RAP1GDS1: variants seen among roughly 807,000 people sequenced by gnomAD.
RAP1GDS1 encodes the protein Rap1 GTPase-GDP dissociation stimulator 1.
A neutral mutation model predicts 71.1 loss-of-function variants in RAP1GDS1; 35 were observed. That is an observed-to-expected ratio of 0.49 (90% confidence interval 0.38 to 0.65). RAP1GDS1 has a LOEUF of 0.65. Ranked by LOEUF, RAP1GDS1 falls within the 30% of genes least tolerant of loss-of-function variation. The pLI, the probability that RAP1GDS1 is intolerant of heterozygous loss-of-function variation, is 0.00. For missense variants in RAP1GDS1, 663 were observed against 706.1 expected, an observed-to-expected ratio of 0.94 and a Z score of 0.69; for synonymous variants, 229 against 243.1, an observed-to-expected ratio of 0.94 and a Z score of 0.54.
At chr4:98,361,060 G>A (rs1451638242) in intron 4 of RAP1GDS1, among the ~76,000 whole-genome samples, 2 of 147,700 alleles carry the variant, frequency 1.4e-5, no homozygotes, top group Admixed American at 1.4e-4. Context: ...CTAGGTGACG[G>A]AGTGAGACTC....
At chr4:98,331,184 CA>C (rs1184225695) in intron 2 of RAP1GDS1, among the ~76,000 whole-genome samples, 1 of 152,134 alleles carries the variant, frequency 6.6e-6, no homozygotes, top group African/African-American at 2.4e-5. Context: ...CAATCCCAGG[CA>C]CTCGGCAGGC....
chr4:98,414,898 G>C (rs537246568), intron 7 of RAP1GDS1, among the ~76,000 whole-genome samples: 1 of 151,722 alleles, frequency 6.6e-6, no homozygotes, highest in Admixed American at 6.6e-5. Context: ...TCCTTGAGCA[G>C]TGGTTTGTAG....
intron 12 of RAP1GDS1, among the ~76,000 whole-genome samples, chr4:98,433,093 G>A (rs934523802): frequency 6.6e-6 from 1 of 152,158 alleles, no homozygotes; most frequent in African/African-American, 2.4e-5. Context: ...CTCTGTCATG[G>A]AGAGAAGACA....
At chr4:98,388,146 A>C (rs574067803) in intron 5 of RAP1GDS1, among the ~76,000 whole-genome samples, 2 of 152,306 alleles carry the variant, frequency 1.3e-5, no homozygotes, top group African/African-American at 4.8e-5. Context: ...TTTTCAAAAA[A>C]CAGCACCGCC....
At chr4:98,354,947 C>A (rs114386529) in intron 4 of RAP1GDS1, among the ~76,000 whole-genome samples, 3,277 of 152,232 alleles carry the variant, frequency 0.022, 108 homozygotes, top group African/African-American at 0.075. Context: ...CTTTCATATG[C>A]ATATAATTTC....
rs370027199 is a variant in RAP1GDS1 at position 98,309,287 on chromosome 4, G to C, written c.112+15772G>C. ...AATTGAAGTAAATTCTTCTCCTTTG[G>C]GAAGAATTTTGTATGAATCTTAATT... On this transcript the variant is annotated intron_variant, in intron 2 of 14. Transcript: ENST00000408927. Among the ~76,000 whole-genome samples the C allele has an allele frequency of 1.1e-3, 168 of 151,890 alleles. 2 individuals are homozygous for C. The highest frequency in any genetic ancestry group is 8.1e-3 in the East Asian group (42 of 5,170).
chr4:98,417,878 TA>T (rs1162038865), intron 9 of RAP1GDS1, among the ~76,000 whole-genome samples: 2 of 152,148 alleles, frequency 1.3e-5, no homozygotes, highest in Non-Finnish European at 2.9e-5. Context: ...TTTATGCCCA[TA>T]AAACTTAAGT....
chr4:98,279,454 T>A (rs1578279100), intron 1 of RAP1GDS1, among the ~76,000 whole-genome samples: 2 of 151,798 alleles, frequency 1.3e-5, no homozygotes, highest in East Asian at 3.9e-4. Flanking sequence ...AACTAGTAAA[T>A]GATTGTTGGA....
In RAP1GDS1 at chr4:98,408,051, A is replaced by G. The variant is rs374901542; in HGVS notation, c.763+3449A>G. On this transcript the variant is annotated intron_variant, in intron 7 of 14. Transcript: ENST00000408927. ...AGACCTTACCGCAGGTCTTACAGCT[A>G]TTAAGAGGATATTATGAACAATTTG... 9.9e-5 allele frequency among the ~76,000 whole-genome samples: 15 copies of G among 151,860 alleles called. No homozygotes were observed. In the South Asian group the frequency reaches 1.5e-3, roughly 15 times the overall value.
chr4:98,427,740 T>C (rs1475034467), intron 12 of RAP1GDS1, among the ~76,000 whole-genome samples: 1 of 152,142 alleles, frequency 6.6e-6, no homozygotes, highest in East Asian at 1.9e-4. Flanking sequence ...ACACATCCAA[T>C]GCTCACCGAT....
chr4:98,392,184 AGTTT>A, intron 6 of RAP1GDS1, 104 bp downstream of exon 6: 1 of 1,112,668 alleles, frequency 9.0e-7, no homozygotes, highest in Non-Finnish European at 1.2e-6. Flanking sequence ...AGATTGTATT[AGTTT>A]ATTTTTTGAA....
At chr4:98,324,793 C>T (rs1292479896) in intron 2 of RAP1GDS1, among the ~76,000 whole-genome samples, 12 of 149,872 alleles carry the variant, frequency 8.0e-5, no homozygotes, top group Middle Eastern at 3.4e-3. Context: ...AAGATTTAAA[C>T]GTTAGACCTA....
chr4:98,368,649 A>G (rs551650577), intron 4 of RAP1GDS1, among the ~76,000 whole-genome samples: 474 of 152,268 alleles, frequency 3.1e-3, no homozygotes, highest in Non-Finnish European at 5.3e-3. Context: ...TATTTCCTTT[A>G]GCCTTGAACT....
At chr4:98,272,570 C>T (rs2110233998) in intron 1 of RAP1GDS1, among the ~76,000 whole-genome samples, 1 of 152,274 alleles carries the variant, frequency 6.6e-6, no homozygotes, top group Non-Finnish European at 1.5e-5. Flanking sequence ...TGACCAGTGC[C>T]AGCTGCAGAC....
chr4:98,274,505 C>T (rs1723931906), intron 1 of RAP1GDS1, among the ~76,000 whole-genome samples: 1 of 152,072 alleles, frequency 6.6e-6, no homozygotes, highest in Admixed American at 6.6e-5. Context: ...AGTGAAGTAC[C>T]ATAGCTTTAA....
At chr4:98,319,778 CAAAA>C (rs35696332) in intron 2 of RAP1GDS1, among the ~76,000 whole-genome samples, 2 of 79,212 alleles carry the variant, frequency 2.5e-5, no homozygotes, top group South Asian at 4.2e-4. Flanking sequence ...GAGAATGTCT[CAAAA>C]AAAAAAAAAA....
chr4:98,282,630 T>TA (rs1378386527), intron 1 of RAP1GDS1, among the ~76,000 whole-genome samples: 2 of 151,808 alleles, frequency 1.3e-5, no homozygotes, highest in Non-Finnish European at 2.9e-5. Flanking sequence ...TCGGTTCTGC[T>TA]CTGATCTTAG....
chr4:98,432,191 C>T (rs1476821123), intron 12 of RAP1GDS1, among the ~76,000 whole-genome samples: 1 of 152,116 alleles, frequency 6.6e-6, no homozygotes, highest in Non-Finnish European at 1.5e-5. Context: ...GTATACCTGG[C>T]CAAAGAGAGG....
chr4:98,438,278 C>A (rs1259957127), intron 14 of RAP1GDS1, among the ~76,000 whole-genome samples: 1 of 151,668 alleles, frequency 6.6e-6, no homozygotes, highest in Non-Finnish European at 1.5e-5. Context: ...TCATGTGCCA[C>A]TACAAGAAGC....
Sources: allele counts gnomAD v4.1 joint callset (sites outside exome capture counted in the v4.1 genomes callset), GRCh38; gene constraint gnomAD v4.1.1; transcripts MANE v1.5; gene names NCBI Gene and HGNC (gene_info 2026-07-23, HGNC 2026-07-21).